The following PTPRN2 variants were observed in gnomAD, a reference collection of about 807,000 sequenced individuals.
PTPRN2 encodes the protein protein tyrosine phosphatase receptor type N2.
Under a neutral mutation model 118.8 loss-of-function variants are expected in PTPRN2, and 74 were observed. The observed-to-expected ratio is 0.62, with a 90% CI of 0.52 to 0.76. PTPRN2 has a LOEUF of 0.76. Among genes scored for constraint, PTPRN2 ranks in the 30% least tolerant of loss-of-function variants. The probability of loss-of-function intolerance (pLI) is 0.00; values close to 1 mark genes in which losing one functional copy is unlikely to be tolerated. For missense variants in PTPRN2, 1,481 were observed against 1,394.4 expected, an observed-to-expected ratio of 1.06 and a Z score of -0.99; for synonymous variants, 641 against 608.0, an observed-to-expected ratio of 1.05 and a Z score of -0.80.
At chr7:158,182,344 T>A (rs1824785384) in intron 5 of PTPRN2, among the ~76,000 whole-genome samples, 2 of 152,334 alleles carry the variant, frequency 1.3e-5, no homozygotes, top group South Asian at 4.1e-4. Context: ...ACAGTCTTTT[T>A]TTGTTTCATT....
intron 19 of PTPRN2, chr7:157,574,206 G>A (rs1233264449): frequency 3.3e-5 from 10 of 300,428 alleles, no homozygotes; most frequent in Non-Finnish European, 7.4e-5. Context: ...GAGAAAGAAC[G>A]ATTAGTGATA....
chr7:158,194,042 C>T (rs776432313), intron 4 of PTPRN2, among the ~76,000 whole-genome samples: 2 of 152,196 alleles, frequency 1.3e-5, no homozygotes, highest in East Asian at 1.9e-4. Context: ...GCTACGATAG[C>T]GCCGCTGTGC....
chr7:158,505,176 T>C (rs966025057), intron 1 of PTPRN2, among the ~76,000 whole-genome samples: 1 of 152,160 alleles, frequency 6.6e-6, no homozygotes, highest in Non-Finnish European at 1.5e-5. Context: ...ACTATATCAC[T>C]GAGGCATAAG....
At position 158,315,705 on chromosome 7, in the gene PTPRN2, G is replaced by A. The variant is rs999261226; in HGVS notation, c.277+1114C>T. Among the ~76,000 whole-genome samples the A allele has an allele frequency of 1.3e-5, 2 of 152,232 alleles. 1 individual carries two copies. Among genetic ancestry groups the A allele is most frequent in the Non-Finnish European group, 2.9e-5 (2 of 68,036 alleles). On this transcript the variant is annotated intron_variant, in intron 3 of 22. Transcript: ENST00000389418. The stretch of plus-strand genomic sequence containing the variant: ...GCCAGTGGTTTGGCTGGAGGGCCAG[G>A]GACTCGGAGAGAATATGGTTGGAAA...
intron 12 of PTPRN2, among the ~76,000 whole-genome samples, chr7:157,791,531 C>T (rs1454078258): frequency 1.4e-5 from 2 of 146,244 alleles, no homozygotes; most frequent in Non-Finnish European, 3.0e-5. Context: ...CCTGCACCCG[C>T]CCCCGCTCCC....
intron 2 of PTPRN2, among the ~76,000 whole-genome samples, chr7:158,366,770 T>C (rs1809563100): frequency 6.6e-6 from 1 of 152,234 alleles, no homozygotes; most frequent in Non-Finnish European, 1.5e-5. Flanking sequence ...ATTTTTGTCT[T>C]TGCTTCTGGT....
intron 14 of PTPRN2, among the ~76,000 whole-genome samples, chr7:157,639,613 C>T (rs530055170): frequency 7.9e-5 from 12 of 152,348 alleles, no homozygotes; most frequent in East Asian, 3.9e-4. Flanking sequence ...GGGGGATGTG[C>T]GGCCTGAAGC....
chr7:158,168,760 G>A (rs539960600), intron 5 of PTPRN2, among the ~76,000 whole-genome samples: 9 of 152,226 alleles, frequency 5.9e-5, no homozygotes, highest in Admixed American at 2.6e-4. Flanking sequence ...GTAAAATTCC[G>A]TTAAGAGGAC....
At chr7:157,717,281 C>A (rs570041793) in intron 12 of PTPRN2, among the ~76,000 whole-genome samples, 2 of 152,352 alleles carry the variant, frequency 1.3e-5, no homozygotes, top group South Asian at 4.1e-4. Context: ...AGGCAAGAGG[C>A]ATGTCGGTGA....
At chr7:158,147,349 A>C (rs1820209454) in intron 6 of PTPRN2, among the ~76,000 whole-genome samples, 1 of 84,410 alleles carries the variant, frequency 1.2e-5, no homozygotes, top group Non-Finnish European at 2.2e-5. Flanking sequence ...ACCCCATCTC[A>C]CGCCACGTAT....
chr7:158,145,476 TAG>T (rs1452050170), intron 6 of PTPRN2, among the ~76,000 whole-genome samples: 1 of 152,204 alleles, frequency 6.6e-6, no homozygotes, highest in Non-Finnish European at 1.5e-5. Context: ...GCTGGGAATG[TAG>T]AGTTTGGGGA....
At chr7:157,652,976 A>G (rs1298157087) in intron 14 of PTPRN2, among the ~76,000 whole-genome samples, 1 of 152,204 alleles carries the variant, frequency 6.6e-6, no homozygotes, top group East Asian at 1.9e-4. Flanking sequence ...TCTCGGGGCC[A>G]GGAGGCCCTT....
chr7:158,059,843 C>A (rs1810173826), intron 11 of PTPRN2, among the ~76,000 whole-genome samples: 1 of 124,894 alleles, frequency 8.0e-6, no homozygotes, highest in Non-Finnish European at 1.7e-5. Flanking sequence ...CACGGTGAGA[C>A]ATCACTGCAG....
chr7:157,731,539 C>A (rs1799911746), intron 12 of PTPRN2, among the ~76,000 whole-genome samples: 1 of 142,010 alleles, frequency 7.0e-6, no homozygotes, highest in Non-Finnish European at 1.5e-5. Context: ...ATGCGCCCAG[C>A]ACAGTTACCC....
At position 158,136,467 on chromosome 7, in the gene PTPRN2, C is replaced by T. The variant is rs548280918; in HGVS notation, c.1173+188G>A. 1.3e-3 allele frequency among the ~76,000 whole-genome samples: 195 copies of T among 152,256 alleles called. 1 individual carries two copies. Among genetic ancestry groups the T allele is most frequent in the African/African-American group, 4.0e-3 (167 of 41,558 alleles). On this transcript the variant is annotated intron_variant, in intron 8 of 22. Coordinates refer to ENST00000389418, the MANE Select transcript of PTPRN2 (RefSeq NM_002847.5). ...GGTTATAATTTGAAAAGAGATATTT[C>T]GTATCCAAATATACACACTTTTGTA...
At chr7:158,456,520 C>T (rs926841512) in intron 2 of PTPRN2, among the ~76,000 whole-genome samples, 2 of 151,050 alleles carry the variant, frequency 1.3e-5, no homozygotes, top group Admixed American at 6.6e-5. Context: ...ATGCCATCGG[C>T]CATGGCCCCC....
At chr7:158,125,258 A>C (rs916112809) in intron 9 of PTPRN2, among the ~76,000 whole-genome samples, 1 of 128,020 alleles carries the variant, frequency 7.8e-6, no homozygotes, top group Non-Finnish European at 1.6e-5. Flanking sequence ...TCCCAGGGCC[A>C]CCTCCCTGCC....
intron 12 of PTPRN2, among the ~76,000 whole-genome samples, chr7:157,883,502 A>C (rs1262249913): frequency 6.7e-6 from 1 of 148,708 alleles, no homozygotes; most frequent in Non-Finnish European, 1.5e-5. Flanking sequence ...AGAACACACC[A>C]CCCCAAAAAT....
At chr7:158,363,041 C>T (rs187079253) in intron 2 of PTPRN2, among the ~76,000 whole-genome samples, 10 of 152,284 alleles carry the variant, frequency 6.6e-5, no homozygotes, top group East Asian at 1.9e-4. Flanking sequence ...CAGCTGTCTC[C>T]GCAGGATTAT....
Sources: gnomAD v4.1 joint callset for allele counts (sites outside exome capture counted in the v4.1 genomes callset) on GRCh38, gnomAD v4.1.1 for gene constraint, MANE v1.5 for transcripts, NCBI Gene and HGNC (gene_info 2026-07-23, HGNC 2026-07-21) for gene names.